Variants in BMPR2 observed in about 807,000 individuals in gnomAD.
BMPR2 encodes bone morphogenetic protein receptor type-2.
In BMPR2, 29 loss-of-function variants were observed where a neutral mutation model predicts 100.8. The ratio of observed to expected loss-of-function variants is 0.29; its 90% confidence interval spans 0.21 to 0.39. BMPR2 has a LOEUF of 0.39. Ranked by LOEUF, BMPR2 falls within the 10% of genes least tolerant of loss-of-function variation. BMPR2 has a pLI of 1.00. For missense variants in BMPR2, 1,011 were observed against 1,274.5 expected (o/e 0.79, Z 3.15); for synonymous variants, 382 against 442.3 (o/e 0.86, Z 1.71).
chr2:202,535,008 G>A (rs1398482375), intron 9 of BMPR2, among the ~76,000 whole-genome samples: 10 of 133,120 alleles, frequency 7.5e-5, no homozygotes, highest in East Asian at 2.4e-4. Context: ...CCTCCCTCCC[G>A]GACGGGTCGG....
intron 1 of BMPR2, among the ~76,000 whole-genome samples, chr2:202,402,648 TTGTGTGTGTG>T (rs113771026): frequency 3.4e-5 from 5 of 146,326 alleles, no homozygotes; most frequent in South Asian, 2.2e-4. Context: ...AAAACTTGCA[TTGTGTGTGTG>T]TGTGTGTGTG....
At chr2:202,398,903 C>T (rs1390208266) in intron 1 of BMPR2, among the ~76,000 whole-genome samples, 1 of 151,996 alleles carries the variant, frequency 6.6e-6, no homozygotes, top group Non-Finnish European at 1.5e-5. Context: ...CCGAGGTGGG[C>T]AGATCACCTG....
intron 3 of BMPR2, 29 bp downstream of exon 3, chr2:202,467,718 A>G (rs779170332): frequency 5.7e-6 from 9 of 1,585,560 alleles, no homozygotes; most frequent in Admixed American, 1.7e-5. Context: ...TTTTCTTTGT[A>G]TTTCCTTTCT....
chr2:202,393,258 TAAAC>T (rs1690586811), intron 1 of BMPR2, among the ~76,000 whole-genome samples: 1 of 152,174 alleles, frequency 6.6e-6, no homozygotes, highest in Non-Finnish European at 1.5e-5. Context: ...TAGCAAGAGA[TAAAC>T]AGACAGAGTT....
intron 3 of BMPR2, among the ~76,000 whole-genome samples, chr2:202,476,177 A>ATT (rs1156564256): frequency 1.0e-3 from 152 of 151,968 alleles, no homozygotes; most frequent in African/African-American, 3.6e-3. Context: ...ACTAGACAGA[A>ATT]TTGGTTGCAG....
intron 3 of BMPR2, among the ~76,000 whole-genome samples, chr2:202,494,052 T>G (rs1426629854): frequency 6.6e-6 from 1 of 152,250 alleles, no homozygotes; most frequent in Admixed American, 6.5e-5. Flanking sequence ...AGTCTGATTA[T>G]GATTACTGCC....
intron 10 of BMPR2, among the ~76,000 whole-genome samples, chr2:202,543,220 AT>A (rs891400153): frequency 1.4e-5 from 2 of 147,024 alleles, no homozygotes; most frequent in Non-Finnish European, 3.0e-5. Context: ...ATACATATAT[AT>A]TTATATATAT....
rs1013781622 is a variant in BMPR2 at position 202,438,838 on chromosome 2, A to G, written c.77-25971A>G. Among the ~76,000 whole-genome samples the G allele has an allele frequency of 4.0e-5, 6 of 150,594 alleles. 1 individual carries two copies. The highest frequency in any genetic ancestry group is 1.5e-4 in the African/African-American group (6 of 39,910). The stretch of plus-strand genomic sequence containing the variant: ...TGATGTGCATGTCTGTCTTTATTTC[A>G]GTACCACACTGTGCTACAGTCTTTA... On this transcript the variant is annotated intron_variant, in intron 1 of 12. Coordinates refer to ENST00000374580, the MANE Select transcript of BMPR2 (RefSeq NM_001204.7).
In BMPR2 at chr2:202,514,935, G is replaced by A; in HGVS notation, c.577G>A (p.Ala193Thr). 1 of 1,614,112 alleles carries A rather than the reference G, an allele frequency of 6.2e-7. No individual in the cohort carries two copies. Among genetic ancestry groups the A allele is most frequent in the Non-Finnish European group, 8.5e-7 (1 of 1,180,016 alleles). ...LHSMNMMEAA[A>T]SEPSLDLDNL... ...CAGTATGAACATGATGGAGGCAGCA[G>A]CATCCGAACCCTCTCTTGATCTAGA... is the stretch of plus-strand genomic sequence containing the variant. Residue 193 changes from alanine (A) to threonine (T), a missense_variant, in exon 5 of 13, where the codon GCA (alanine) becomes ACA (threonine). Coordinates refer to ENST00000374580, the MANE Select transcript of BMPR2 (RefSeq NM_001204.7).
In BMPR2 at chr2:202,562,422, G is replaced by A. The variant is rs1486045672; in HGVS notation, c.*2476G>A. The A allele has an allele frequency of 6.6e-6, 1 of 152,576 alleles. No homozygotes were observed. Among genetic ancestry groups the A allele is most frequent in the African/African-American group, 2.4e-5 (1 of 41,444 alleles). 9.5% of individuals were successfully genotyped at this position (152,576 alleles called of 1,614,324 possible). ...TCTTAGTAAACTCCTGAAAAAGTAG[G>A]AAAGGTGGAAAGTATATATCATTTT... On this transcript the variant is annotated 3_prime_UTR_variant, in exon 13 of 13. Transcript: ENST00000374580.
chr2:202,392,022 A>G (rs569937534), intron 1 of BMPR2, among the ~76,000 whole-genome samples: 19 of 151,344 alleles, frequency 1.3e-4, no homozygotes, highest in Middle Eastern at 6.5e-3. Flanking sequence ...GGCCTCCCAA[A>G]GTGCTGAGAT....
chr2:202,424,666 A>G (rs1048241886), intron 1 of BMPR2, among the ~76,000 whole-genome samples: 1 of 152,104 alleles, frequency 6.6e-6, no homozygotes, highest in Non-Finnish European at 1.5e-5. Context: ...ACTGCACTCC[A>G]GCCTGGGCGA....
At chr2:202,427,085 T>C (rs1254416380) in intron 1 of BMPR2, among the ~76,000 whole-genome samples, 2 of 152,188 alleles carry the variant, frequency 1.3e-5, no homozygotes. Flanking sequence ...GCGAGGTGTT[T>C]CACACCTATA....
chr2:202,452,109 A>C (rs1300862045), intron 1 of BMPR2, among the ~76,000 whole-genome samples: 2 of 151,982 alleles, frequency 1.3e-5, no homozygotes, highest in Admixed American at 6.6e-5. Context: ...ACCATACTCA[A>C]CATACAGTAC....
chr2:202,510,413 T>G (rs1259046894), intron 3 of BMPR2, among the ~76,000 whole-genome samples: 7 of 152,082 alleles, frequency 4.6e-5, no homozygotes, highest in Non-Finnish European at 1.0e-4. Context: ...TAAAAGGAAA[T>G]GAACTGCTAA....
chr2:202,393,541 C>T (rs1313091642), intron 1 of BMPR2, among the ~76,000 whole-genome samples: 2 of 152,120 alleles, frequency 1.3e-5, no homozygotes, highest in Non-Finnish European at 2.9e-5. Context: ...AGCGATCCTC[C>T]TGACTCAGCC....
chr2:202,545,160 T>G (rs1688352440), intron 10 of BMPR2, among the ~76,000 whole-genome samples: 1 of 27,284 alleles, frequency 3.7e-5, no homozygotes, highest in Non-Finnish European at 8.9e-5. Context: ...AATCATTTTT[T>G]TCTTATATTT....
intron 7 of BMPR2, among the ~76,000 whole-genome samples, chr2:202,521,923 G>C (rs1473063723): frequency 6.6e-6 from 1 of 152,180 alleles, no homozygotes; most frequent in African/African-American, 2.4e-5. Flanking sequence ...GAAAGGCCAA[G>C]TGGATCTCAA....
intron 1 of BMPR2, among the ~76,000 whole-genome samples, chr2:202,405,509 A>T (rs1334919574): frequency 6.6e-6 from 1 of 151,978 alleles, no homozygotes; most frequent in Non-Finnish European, 1.5e-5. Flanking sequence ...TAACACGGTG[A>T]AACCCCGTCT....
Sources: gnomAD v4.1 joint callset for allele counts (sites outside exome capture counted in the v4.1 genomes callset) on GRCh38, gnomAD v4.1.1 for gene constraint, MANE v1.5 for transcripts, NCBI Gene and HGNC (gene_info 2026-07-23, HGNC 2026-07-21) for gene names.